Variants in CWF19L2 observed in about 807,000 individuals in gnomAD.
CWF19L2 encodes the protein CWF19 like cell cycle control factor 2.
A neutral mutation model predicts 111.7 loss-of-function variants in CWF19L2; 98 were observed. The observed-to-expected ratio is 0.88, with a 90% CI of 0.75 to 1.04. The LOEUF (loss-of-function observed/expected upper bound fraction) is 1.04, where lower values mean the gene tolerates loss of function less well. CWF19L2 is among the 50% of genes least tolerant of loss of function. CWF19L2 has a pLI of 0.00. For synonymous variants in CWF19L2, 351 were observed against 342.9 expected, an observed-to-expected ratio of 1.02 and a Z score of -0.26; for missense variants, 1,101 against 1,051.4, an observed-to-expected ratio of 1.05 and a Z score of -0.65.
chr11:107,348,074 G>A (rs2134540653), intron 14 of CWF19L2, among the ~76,000 whole-genome samples: 1 of 152,180 alleles, frequency 6.6e-6, no homozygotes, highest in East Asian at 1.9e-4. Flanking sequence ...CTTGGTTGCA[G>A]ATGCAATAAA....
At chr11:107,405,757 C>A (rs1358317563) in intron 10 of CWF19L2, among the ~76,000 whole-genome samples, 2 of 151,438 alleles carry the variant, frequency 1.3e-5, no homozygotes, top group Non-Finnish European at 2.9e-5. Context: ...TTTAATCAGA[C>A]CTTCCTTGCT....
At chr11:107,363,191 G>A (rs1275120226) in intron 12 of CWF19L2, among the ~76,000 whole-genome samples, 92 of 152,056 alleles carry the variant, frequency 6.1e-4, no homozygotes, top group African/African-American at 2.0e-3. Flanking sequence ...CCAAATCTAC[G>A]TCGGATTGGT....
intron 12 of CWF19L2, among the ~76,000 whole-genome samples, chr11:107,362,116 C>T (rs184028876): frequency 6.6e-6 from 1 of 152,110 alleles, no homozygotes; most frequent in East Asian, 1.9e-4. Context: ...CTTTTCAGAC[C>T]GGCTTAAAAA....
intron 14 of CWF19L2, among the ~76,000 whole-genome samples, chr11:107,341,880 C>G (rs761610854): frequency 2.6e-5 from 4 of 152,060 alleles, no homozygotes; most frequent in Non-Finnish European, 4.4e-5. Flanking sequence ...CCCTTATTAT[C>G]TTTTTGATGA....
intron 12 of CWF19L2, among the ~76,000 whole-genome samples, chr11:107,389,221 A>ATTGT (rs1860813958): frequency 6.6e-6 from 1 of 152,186 alleles, no homozygotes; most frequent in East Asian, 1.9e-4. Flanking sequence ...AAAAGTAACC[A>ATTGT]TTGTTATTAT....
intron 6 of CWF19L2, among the ~76,000 whole-genome samples, chr11:107,435,401 C>T (rs920364689): frequency 7.2e-5 from 11 of 151,916 alleles, no homozygotes; most frequent in Non-Finnish European, 1.2e-4. Context: ...GTCTCAGCTA[C>T]AAAATTGTTT....
chr11:107,340,594 T>A (rs1165164647), intron 14 of CWF19L2, among the ~76,000 whole-genome samples: 1 of 152,234 alleles, frequency 6.6e-6, no homozygotes, highest in South Asian at 2.1e-4. Context: ...TTATTATACA[T>A]CTCCAGTAAT....
intron 12 of CWF19L2, among the ~76,000 whole-genome samples, chr11:107,359,427 T>C (rs1216176296): frequency 1.3e-5 from 2 of 152,332 alleles, no homozygotes; most frequent in Middle Eastern, 3.4e-3. Flanking sequence ...GGCTGGGCTA[T>C]GTCTTCCAGG....
chr11:107,331,051 C>T (rs914211414), intron 16 of CWF19L2, among the ~76,000 whole-genome samples: 15 of 152,162 alleles, frequency 9.9e-5, no homozygotes, highest in Admixed American at 5.2e-4. Flanking sequence ...AAAAAGCACA[C>T]GTAAAAATCT....
intron 12 of CWF19L2, among the ~76,000 whole-genome samples, chr11:107,363,364 A>G (rs1860388414): frequency 6.6e-6 from 1 of 152,174 alleles, no homozygotes; most frequent in Non-Finnish European, 1.5e-5. Flanking sequence ...ACCAGGACAC[A>G]TAATTGTCAG....
chr11:107,343,927 A>G (rs568509504), intron 14 of CWF19L2, among the ~76,000 whole-genome samples: 27 of 152,174 alleles, frequency 1.8e-4, no homozygotes, highest in Non-Finnish European at 1.8e-4. Context: ...TTGGAAACAC[A>G]TCAGACACCA....
At chr11:107,385,464 TAATTTATCTAAACGTC>T (rs1292897470) in intron 12 of CWF19L2, among the ~76,000 whole-genome samples, 3 of 152,206 alleles carry the variant, frequency 2.0e-5, no homozygotes, top group South Asian at 2.1e-4. Context: ...GCACATTCAA[TAATTTATCTAAACGTC>T]AATTTATCTA....
intron 3 of CWF19L2, among the ~76,000 whole-genome samples, chr11:107,452,542 C>T (rs1402153828): frequency 6.6e-6 from 1 of 152,226 alleles, no homozygotes; most frequent in South Asian, 2.1e-4. Context: ...CCCTAAATTC[C>T]TTCCAATAGG....
intron 12 of CWF19L2, among the ~76,000 whole-genome samples, chr11:107,361,262 G>A (rs908305142): frequency 2.0e-5 from 3 of 152,176 alleles, no homozygotes; most frequent in African/African-American, 7.2e-5. Flanking sequence ...TCAGTTGATT[G>A]TAAATATGTG....
Position 107,413,101 on chromosome 11 carries a change from G to A in CWF19L2, c.1617+3108C>T, listed in dbSNP as rs554292197. Among the ~76,000 whole-genome samples, 33 of 152,240 alleles carry A rather than the reference G, an allele frequency of 2.2e-4. 1 individual carries two copies. In the South Asian group the frequency reaches 6.6e-3, roughly 31 times the overall value. On this transcript the variant is annotated intron_variant, in intron 10 of 17. Coordinates refer to ENST00000282251, the MANE Select transcript of CWF19L2 (RefSeq NM_152434.3). ...CCACAGAATGTACAATACCAAGAGA[G>A]GACCTTAATGTAAACTATAGACTTT...
At chr11:107,449,077 TAC>T (rs1393512631) in intron 3 of CWF19L2, among the ~76,000 whole-genome samples, 1 of 143,522 alleles carries the variant, frequency 7.0e-6, no homozygotes, top group Non-Finnish European at 1.5e-5. Flanking sequence ...TTACAATGAC[TAC>T]AGAGTTCTCA....
intron 10 of CWF19L2, among the ~76,000 whole-genome samples, chr11:107,401,127 T>C (rs933634269): frequency 5.9e-5 from 9 of 152,138 alleles, no homozygotes; most frequent in Non-Finnish European, 7.4e-5. Context: ...TGGTGAAAAG[T>C]TGAAAGCATT....
intron 10 of CWF19L2, among the ~76,000 whole-genome samples, chr11:107,394,452 T>A (rs1054584850): frequency 2.0e-5 from 3 of 152,174 alleles, no homozygotes; most frequent in Non-Finnish European, 2.9e-5. Flanking sequence ...TACATAATTA[T>A]TAAATTGTCA....
At chr11:107,371,468 T>G (rs968865483) in intron 12 of CWF19L2, among the ~76,000 whole-genome samples, 1 of 129,896 alleles carries the variant, frequency 7.7e-6, no homozygotes, top group Non-Finnish European at 1.6e-5. Flanking sequence ...TAATTTTATG[T>G]ATTCAATATT....
Sources: allele counts gnomAD v4.1 joint callset (sites outside exome capture counted in the v4.1 genomes callset), GRCh38; gene constraint gnomAD v4.1.1; transcripts MANE v1.5; gene names NCBI Gene and HGNC (gene_info 2026-07-23, HGNC 2026-07-21).